Variants in NHS observed in about 807,000 individuals in gnomAD.
NHS encodes the protein actin remodeling regulator NHS.
NHS carries 5 observed loss-of-function variants against 72.5 expected under a neutral mutation model. The ratio of observed to expected loss-of-function variants is 0.07; its 90% CI spans 0.04 to 0.14. The LOEUF is 0.14. Among genes scored for constraint, NHS ranks in the 10% least tolerant of loss-of-function variants. The pLI is 1.00. For synonymous variants in NHS, 464 were observed against 547.7 expected (o/e 0.85, Z 2.13); for missense variants, 1,072 against 1,355.7 (o/e 0.79, Z 3.29).
At chrX:17,617,321 C>T (rs1416637311) in intron 1 of NHS, among the ~76,000 whole-genome samples, 1 of 112,342 alleles carries the variant, frequency 8.9e-6, no homozygotes, top group Non-Finnish European at 1.9e-5. Context: ...TTATCGTCCA[C>T]AGCACCGGGA....
At chrX:17,731,812 C>A in intron 8 of NHS, 46 bp from the exon 9 acceptor site, 1 of 1,157,753 alleles carries the variant, frequency 8.6e-7, no homozygotes, top group Non-Finnish European at 1.1e-6. Flanking sequence ...TTCATAAAAA[C>A]GTGAACTGAG....
At chrX:17,444,402 A>C (rs892795969) in intron 1 of NHS, among the ~76,000 whole-genome samples, 12 of 111,742 alleles carry the variant, frequency 1.1e-4, no homozygotes, top group African/African-American at 3.6e-4. Context: ...TTAAAGTTTA[A>C]GAAGTGCTTC....
At chrX:17,678,271 GGTGT>G (rs747335244) in intron 1 of NHS, among the ~76,000 whole-genome samples, 12 of 102,695 alleles carry the variant, frequency 1.2e-4, no homozygotes, top group South Asian at 4.3e-4. Context: ...AATGACTGTG[GGTGT>G]GTGTGTGTGT....
chrX:17,620,173 A>G (rs868415113), intron 1 of NHS, among the ~76,000 whole-genome samples: 8 of 112,112 alleles, frequency 7.1e-5, no homozygotes, highest in South Asian at 3.8e-4. Flanking sequence ...ACAATAGGAA[A>G]TATAAGAAGG....
intron 1 of NHS, among the ~76,000 whole-genome samples, chrX:17,520,517 T>C (rs2065143108): frequency 9.0e-6 from 1 of 111,724 alleles, no homozygotes; most frequent in South Asian, 3.8e-4. Flanking sequence ...GCTTCTCCAG[T>C]TGTGGACATC....
intron 2 of NHS, among the ~76,000 whole-genome samples, chrX:17,688,984 C>T (rs2066180004): frequency 8.9e-6 from 1 of 112,114 alleles, no homozygotes; most frequent in Non-Finnish European, 1.9e-5. Context: ...TCTACACATT[C>T]AATGTCTTTC....
In NHS at chrX:17,606,921, C is replaced by T. The variant is rs772675439; in HGVS notation, c.566-80821C>T. Among the ~76,000 whole-genome samples the T allele has an allele frequency of 1.5e-4, 17 of 112,162 alleles. No homozygotes were observed. In the South Asian group the frequency reaches 4.8e-3, roughly 32 times the overall value. ...GTTCCAAGTGCTTTACGTGTATTAACGCATAAACAACAACACTATGAGGTA... is the reference window on the plus strand; with the variant it reads ...GTTCCAAGTGCTTTACGTGTATTAATGCATAAACAACAACACTATGAGGTA... On this transcript the variant is annotated intron_variant, in intron 1 of 8. Transcript: ENST00000676302.
rs59367930 is a variant in NHS, at chrX:17,604,228, T to TCACACACACACACACA, written c.566-83489_566-83474dup. ...ATGGTTTCCTCAGGATATTAATAGA[T>TCACACACACACACACA]CACACACACACACACACACACACAC... is the stretch of plus-strand genomic sequence containing the variant. On this transcript the variant is annotated intron_variant, in intron 1 of 8. Coordinates refer to ENST00000676302, the MANE Select transcript of NHS (RefSeq NM_001291867.2). Among the ~76,000 whole-genome samples, 11 of 92,274 alleles carry TCACACACACACACACA rather than the reference T, an allele frequency of 1.2e-4. 1 individual carries two copies. Among genetic ancestry groups the TCACACACACACACACA allele is most frequent in the African/African-American group, 4.5e-4 (11 of 24,685 alleles). 80.1% of individuals were successfully genotyped at this position (92,274 alleles called of 115,157 possible).
At chrX:17,499,968 G>C (rs1308946624) in intron 1 of NHS, among the ~76,000 whole-genome samples, 1 of 112,202 alleles carries the variant, frequency 8.9e-6, no homozygotes, top group Non-Finnish European at 1.9e-5. Context: ...GGCTTCATGT[G>C]GATAGTCAAA....
At chrX:17,673,017 G>A (rs2066057087) in intron 1 of NHS, among the ~76,000 whole-genome samples, 1 of 110,784 alleles carries the variant, frequency 9.0e-6, no homozygotes, top group African/African-American at 3.3e-5. Flanking sequence ...TCTGGGAGGA[G>A]AGATCAAGTA....
At chrX:17,463,417 A>G (rs1460740568) in intron 1 of NHS, among the ~76,000 whole-genome samples, 2 of 109,580 alleles carry the variant, frequency 1.8e-5, no homozygotes, top group Non-Finnish European at 3.8e-5. Flanking sequence ...TTAGGTTTAT[A>G]TGCTTTGGTG....
intron 1 of NHS, among the ~76,000 whole-genome samples, chrX:17,394,308 T>C (rs1484487455): frequency 8.9e-6 from 1 of 111,922 alleles, no homozygotes; most frequent in African/African-American, 3.3e-5. Flanking sequence ...GAAAGTGGGC[T>C]TTTATGATAA....
chrX:17,638,404 T>C (rs2065861808), intron 1 of NHS, among the ~76,000 whole-genome samples: 1 of 112,806 alleles, frequency 8.9e-6, no homozygotes, highest in African/African-American at 3.2e-5. Context: ...ATTTCTTAAA[T>C]TGAATGTTTC....
At chrX:17,426,613 T>C (rs1418023385) in intron 1 of NHS, among the ~76,000 whole-genome samples, 3 of 112,386 alleles carry the variant, frequency 2.7e-5, no homozygotes, top group African/African-American at 9.7e-5. Flanking sequence ...ATTTGATGAG[T>C]GCTTGGCTGC....
At position 17,479,856 on chromosome X, in the gene NHS, G is replaced by C. The variant is rs1027335875; in HGVS notation, c.565+103534G>C. On this transcript the variant is annotated intron_variant, in intron 1 of 8. Coordinates refer to ENST00000676302, the MANE Select transcript of NHS (RefSeq NM_001291867.2). The stretch of plus-strand genomic sequence containing the variant: ...ATTCTGGAGGTTGCCTTTTCAGTCT[G>C]ATGATAGTTTCTTTTGCTGTGCAGA... Among the ~76,000 whole-genome samples the C allele has an allele frequency of 2.7e-5, 3 of 111,903 alleles. No homozygotes were observed. In the East Asian group the frequency reaches 8.4e-4, roughly 31 times the overall value.
At chrX:17,646,461 G>A (rs1178736798) in intron 1 of NHS, among the ~76,000 whole-genome samples, 1 of 111,360 alleles carries the variant, frequency 9.0e-6, no homozygotes, top group African/African-American at 3.3e-5. Flanking sequence ...CTCCATACCT[G>A]GTCATTTCTC....
intron 1 of NHS, among the ~76,000 whole-genome samples, chrX:17,569,555 A>C (rs2065464324): frequency 1.8e-5 from 2 of 111,688 alleles, no homozygotes; most frequent in Admixed American, 9.5e-5. Context: ...TTCTTTGTAG[A>C]TTCTGGATAT....
At chrX:17,456,282 T>C (rs1054110883) in intron 1 of NHS, among the ~76,000 whole-genome samples, 2 of 111,992 alleles carry the variant, frequency 1.8e-5, no homozygotes, top group Admixed American at 9.5e-5. Context: ...GAAGTCCATT[T>C]GTTCATCTAG....
intron 1 of NHS, among the ~76,000 whole-genome samples, chrX:17,527,302 A>T (rs191422775): frequency 8.8e-6 from 1 of 113,345 alleles, no homozygotes; most frequent in African/African-American, 3.2e-5. Context: ...AAGGTGGCAC[A>T]TAGCTTTTCT....
Sources: gnomAD v4.1 joint callset for allele counts (sites outside exome capture counted in the v4.1 genomes callset) on GRCh38, gnomAD v4.1.1 for gene constraint, MANE v1.5 for transcripts, NCBI Gene and HGNC (gene_info 2026-07-23, HGNC 2026-07-21) for gene names.